The following EYS variants were observed in gnomAD, a reference collection of about 807,000 sequenced individuals.
EYS encodes protein eyes shut homolog.
EYS carries 250 observed loss-of-function variants against 282.1 expected under a neutral mutation model. The observed-to-expected ratio is 0.89, with a 90% CI of 0.80 to 0.98. The LOEUF (loss-of-function observed/expected upper bound fraction) is 0.98, where lower values mean the gene tolerates loss of function less well. Ranked by LOEUF, EYS falls within the 50% of genes least tolerant of loss-of-function variation. EYS has a pLI of 0.00. For missense variants in EYS, 4,016 were observed against 3,709.0 expected, an observed-to-expected ratio of 1.08 and a Z score of -2.15; for synonymous variants, 1,355 against 1,282.9, an observed-to-expected ratio of 1.06 and a Z score of -1.20.
intron 21 of EYS, among the ~76,000 whole-genome samples, chr6:64,818,629 A>G (rs1764812347): frequency 1.3e-5 from 2 of 152,124 alleles, no homozygotes; most frequent in South Asian, 2.1e-4. Flanking sequence ...AAGAGTCCAA[A>G]AGCTGAAGAA....
At chr6:65,533,615 G>A (rs1022403007) in intron 2 of EYS, among the ~76,000 whole-genome samples, 1 of 152,042 alleles carries the variant, frequency 6.6e-6, no homozygotes, top group Non-Finnish European at 1.5e-5. Flanking sequence ...AGATGATTAG[G>A]TTAGAGGCCT....
At position 64,163,572 on chromosome 6, in the gene EYS, AAG is replaced by A. The variant is rs375759835; in HGVS notation, c.6424+67018_6424+67019del. On this transcript the variant is annotated intron_variant, in intron 31 of 42. Transcript: ENST00000503581. ...TACAGTTTGTGCTTTGAATTTTACT[AAG>A]AGGTTTTGAGAAAAAAATAACCGTT... 4.0e-3 allele frequency among the ~76,000 whole-genome samples: 596 copies of A among 150,862 alleles called. 3 individuals carry two copies. The highest frequency in any genetic ancestry group is 0.014 in the African/African-American group (559 of 40,242).
At chr6:64,853,035 T>C (rs1012286244) in intron 19 of EYS, among the ~76,000 whole-genome samples, 4 of 152,184 alleles carry the variant, frequency 2.6e-5, no homozygotes, top group Non-Finnish European at 4.4e-5. Flanking sequence ...TTTGTTTCTT[T>C]CTTGCCTTTT....
At chr6:65,148,866 A>G (rs1764544523) in intron 12 of EYS, among the ~76,000 whole-genome samples, 1 of 152,080 alleles carries the variant, frequency 6.6e-6, no homozygotes, top group South Asian at 2.1e-4. Context: ...AAGCCACCAA[A>G]GCTTGGGGCT....
intron 31 of EYS, among the ~76,000 whole-genome samples, chr6:64,098,228 T>C (rs1772700728): frequency 1.3e-5 from 2 of 152,200 alleles, no homozygotes; most frequent in South Asian, 2.1e-4. Flanking sequence ...CAGAATAGTA[T>C]ATTTTGTACT....
chr6:65,549,223 A>G (rs1406280041), intron 2 of EYS, among the ~76,000 whole-genome samples: 2 of 152,220 alleles, frequency 1.3e-5, no homozygotes, highest in East Asian at 3.8e-4. Flanking sequence ...AATAGATCTT[A>G]CTACAATAAT....
At chr6:65,640,341 A>G (rs1350087571) in intron 1 of EYS, among the ~76,000 whole-genome samples, 3 of 152,158 alleles carry the variant, frequency 2.0e-5, no homozygotes, top group South Asian at 2.1e-4. Flanking sequence ...ATGCAGGATC[A>G]TATTTGTATT....
chr6:64,248,580 T>C (rs1387482534), intron 30 of EYS, among the ~76,000 whole-genome samples: 1 of 152,020 alleles, frequency 6.6e-6, no homozygotes, highest in East Asian at 1.9e-4. Context: ...AAAGTAGAAA[T>C]AGCAGATGTT....
chr6:65,223,000 C>T (rs1243728092), intron 12 of EYS, among the ~76,000 whole-genome samples: 1 of 152,090 alleles, frequency 6.6e-6, no homozygotes, highest in African/African-American at 2.4e-5. Flanking sequence ...AGAGTACAGA[C>T]CTAAGGACGA....
At position 65,005,225 on chromosome 6, in the gene EYS, A is replaced by T. The variant is rs994171169; in HGVS notation, c.2138-7522T>A. 6.1e-5 allele frequency among the ~76,000 whole-genome samples: 9 copies of T among 147,828 alleles called. 1 individual carries two copies. Among genetic ancestry groups the T allele is most frequent in the Non-Finnish European group, 1.2e-4 (8 of 65,972 alleles). ...AGCGAGGCGCCCATTGCCACTCCCG[A>T]TCGGGCTAAAGGCTTGCCATTGTTC... On this transcript the variant is annotated intron_variant, in intron 13 of 42. Transcript: ENST00000503581.
intron 35 of EYS, among the ~76,000 whole-genome samples, chr6:63,947,455 A>G (rs1490963190): frequency 6.6e-6 from 1 of 152,104 alleles, no homozygotes; most frequent in Non-Finnish European, 1.5e-5. Flanking sequence ...AATTACTGCT[A>G]TTAGCCTACA....
intron 26 of EYS, among the ~76,000 whole-genome samples, chr6:64,548,745 G>A (rs1316391101): frequency 6.6e-6 from 1 of 152,076 alleles, no homozygotes; most frequent in African/African-American, 2.4e-5. Context: ...GAGTTAATGG[G>A]TGCAGCACAC....
intron 26 of EYS, among the ~76,000 whole-genome samples, chr6:64,556,072 T>C (rs930294275): frequency 6.6e-6 from 1 of 151,994 alleles, no homozygotes; most frequent in Non-Finnish European, 1.5e-5. Flanking sequence ...TGGAAGACAA[T>C]TTAAAAGTTT....
chr6:64,115,039 G>A (rs1773330163), intron 31 of EYS, among the ~76,000 whole-genome samples: 1 of 152,128 alleles, frequency 6.6e-6, no homozygotes, highest in Non-Finnish European at 1.5e-5. Flanking sequence ...ACTCAGACTT[G>A]CAGTCACTTT....
chr6:65,132,154 T>G lies in EYS; in HGVS notation c.2024-74427A>C, dbSNP rs142595334. Among the ~76,000 whole-genome samples the G allele has an allele frequency of 1.9e-3, 293 of 152,054 alleles. 2 individuals are homozygous for G. Among genetic ancestry groups the G allele is most frequent in the Non-Finnish European group, 3.5e-3 (238 of 67,896 alleles). On this transcript the variant is annotated intron_variant, in intron 12 of 42. Coordinates refer to ENST00000503581, the MANE Select transcript of EYS (RefSeq NM_001142800.2). ...TACCATATGTATAAGGAAGAGCTGA[T>G]TCCTACTGAAACTGTTCAAAATATT...
intron 36 of EYS, among the ~76,000 whole-genome samples, chr6:63,807,818 T>C (rs187734188): frequency 1.3e-5 from 2 of 152,294 alleles, no homozygotes; most frequent in African/African-American, 4.8e-5. Context: ...CTCAGGTATA[T>C]CACTTTCAGT....
intron 26 of EYS, among the ~76,000 whole-genome samples, chr6:64,496,247 A>T (rs1229847432): frequency 6.6e-6 from 1 of 151,996 alleles, no homozygotes; most frequent in Non-Finnish European, 1.5e-5. Context: ...GATTTGCTTA[A>T]TATTGAGAAA....
chr6:64,362,617 G>A lies in EYS; in HGVS notation c.6078+26073C>T, dbSNP rs1026794809. 2.6e-5 allele frequency among the ~76,000 whole-genome samples: 4 copies of A among 151,728 alleles called. No individual in the cohort carries two copies. In the East Asian group the frequency reaches 7.8e-4, roughly 30 times the overall value. Reference sequence around the variant, plus strand: ...TATAGTTTATATTCAACAAATTACAGAAAATATAATTATTCTTTAATTATT... The same window carrying A: ...TATAGTTTATATTCAACAAATTACAAAAAATATAATTATTCTTTAATTATT... On this transcript the variant is annotated intron_variant, in intron 29 of 42. Transcript: ENST00000503581.
intron 11 of EYS, among the ~76,000 whole-genome samples, chr6:65,306,823 A>T (rs1284673588): frequency 9.0e-6 from 1 of 111,540 alleles, no homozygotes; most frequent in East Asian, 2.4e-4. Flanking sequence ...GCAGAGCAAG[A>T]GTCCGTCTCA....
Sources: allele counts gnomAD v4.1 joint callset (sites outside exome capture counted in the v4.1 genomes callset), GRCh38; gene constraint gnomAD v4.1.1; transcripts MANE v1.5; gene names NCBI Gene and HGNC (gene_info 2026-07-23, HGNC 2026-07-21).